EMSY: variants seen among roughly 807,000 people sequenced by gnomAD.
EMSY encodes BRCA2-interacting transcriptional repressor EMSY.
A neutral mutation model predicts 134.6 loss-of-function variants in EMSY; 26 were observed. The ratio of observed to expected loss-of-function variants is 0.19; its 90% CI spans 0.14 to 0.27. The LOEUF (loss-of-function observed/expected upper bound fraction) is 0.27. Ranked by LOEUF, EMSY falls within the 10% of genes least tolerant of loss-of-function variation. EMSY has a pLI of 1.00. For missense variants in EMSY, 1,305 were observed against 1,611.4 expected (o/e 0.81, Z 3.26); for synonymous variants, 579 against 577.8 (o/e 1.00, Z -0.03).
intron 9 of EMSY, among the ~76,000 whole-genome samples, chr11:76,504,838 A>G (rs930686650): frequency 6.6e-6 from 1 of 152,260 alleles, no homozygotes; most frequent in Non-Finnish European, 1.5e-5. Context: ...GGAATGAAGT[A>G]CTAACACATG....
intron 8 of EMSY, among the ~76,000 whole-genome samples, chr11:76,488,414 C>T (rs968768999): frequency 6.6e-6 from 1 of 152,154 alleles, no homozygotes; most frequent in East Asian, 1.9e-4. Flanking sequence ...CTGCATTGAG[C>T]TATGATTGTG....
Position 76,458,008 on chromosome 11 carries a change from C to T in EMSY, c.246-175C>T, listed in dbSNP as rs182503224. On this transcript the variant is annotated intron_variant, in intron 4 of 20. Coordinates refer to ENST00000334736, the Ensembl canonical transcript of EMSY. ...ACTGTGTAAGAACCTAAGTGTGTGACATTCCTTGAATTATAATTATTCATA... is the reference window on the plus strand; with the variant it reads ...ACTGTGTAAGAACCTAAGTGTGTGATATTCCTTGAATTATAATTATTCATA... Among the ~76,000 whole-genome samples, 207 of 152,298 alleles carry T rather than the reference C, an allele frequency of 1.4e-3. 1 individual carries two copies. The highest frequency in any genetic ancestry group is 2.0e-3 in the Non-Finnish European group (137 of 68,032).
intron 8 of EMSY, among the ~76,000 whole-genome samples, chr11:76,494,917 G>C (rs1949590291): frequency 1.3e-5 from 2 of 152,008 alleles, no homozygotes; most frequent in African/African-American, 4.8e-5. Flanking sequence ...TGTATTTTTA[G>C]TAGAGATGGG....
chr11:76,496,886 T>A (rs1949678756), intron 9 of EMSY: 1 of 299,974 alleles, frequency 3.3e-6, no homozygotes, highest in Non-Finnish European at 6.4e-6. Context: ...TATTTCTTTT[T>A]GGTGTTTTAT....
At chr11:76,538,476 G>A (rs1951309082) in intron 16 of EMSY, among the ~76,000 whole-genome samples, 1 of 152,128 alleles carries the variant, frequency 6.6e-6, no homozygotes, top group Non-Finnish European at 1.5e-5. Context: ...GCCCGGGCTT[G>A]TCTTGAATTC....
intron 4 of EMSY, among the ~76,000 whole-genome samples, chr11:76,454,170 A>G (rs1229120872): frequency 6.6e-6 from 1 of 152,188 alleles, no homozygotes; most frequent in East Asian, 1.9e-4. Flanking sequence ...ACTAAAGGGA[A>G]AAATTCAGTG....
At chr11:76,479,011 G>A (rs1273480554) in intron 8 of EMSY, among the ~76,000 whole-genome samples, 14 of 151,868 alleles carry the variant, frequency 9.2e-5, no homozygotes, top group South Asian at 8.3e-4. Flanking sequence ...ACTAAATACC[G>A]TATTTTGTCC....
chr11:76,525,755 T>G (rs930706530), intron 12 of EMSY, among the ~76,000 whole-genome samples: 1 of 152,112 alleles, frequency 6.6e-6, no homozygotes, highest in Non-Finnish European at 1.5e-5. Flanking sequence ...TAGTAAAACA[T>G]AGGAAGCACT....
At chr11:76,445,930 G>A (rs1027276299) in intron 1 of EMSY, among the ~76,000 whole-genome samples, 2 of 152,202 alleles carry the variant, frequency 1.3e-5, no homozygotes, top group Non-Finnish European at 2.9e-5. Flanking sequence ...AGGACTATGG[G>A]AAGTAGGGGG....
chr11:76,525,490 A>C (rs1330593269), intron 12 of EMSY, among the ~76,000 whole-genome samples: 1 of 152,226 alleles, frequency 6.6e-6, no homozygotes, highest in Non-Finnish European at 1.5e-5. Context: ...AGAAAAACTG[A>C]TGAGGTGAAA....
intron 6 of EMSY, 127 bp from the exon 8 acceptor site, chr11:76,463,694 G>T: frequency 3.2e-6 from 3 of 934,192 alleles, no homozygotes; most frequent in Non-Finnish European, 4.7e-6. Flanking sequence ...AGGGAAGATT[G>T]ATAGAACTTA....
intron 9 of EMSY, among the ~76,000 whole-genome samples, chr11:76,498,352 G>A (rs1456510321): frequency 6.6e-6 from 1 of 152,126 alleles, no homozygotes; most frequent in Non-Finnish European, 1.5e-5. Context: ...GGTTGATTAT[G>A]TTGTTCAGTT....
At chr11:76,516,005 T>A in intron 10 of EMSY, 137 bp from the exon 12 acceptor site, 1 of 701,756 alleles carries the variant, frequency 1.4e-6, no homozygotes, top group Non-Finnish European at 2.3e-6. Context: ...AAATTATAAA[T>A]TAATGTCTTG....
chr11:76,477,139 T>C (rs1399493525), intron 8 of EMSY, among the ~76,000 whole-genome samples: 1 of 152,000 alleles, frequency 6.6e-6, no homozygotes, highest in Non-Finnish European at 1.5e-5. Flanking sequence ...ATATGATTAT[T>C]GAACATAAAT....
intron 11 of EMSY, among the ~76,000 whole-genome samples, chr11:76,519,844 C>T (rs368442887): frequency 9.9e-5 from 15 of 152,210 alleles, no homozygotes; most frequent in African/African-American, 3.4e-4. Context: ...CAGTTATTTG[C>T]ACCCATTATA....
chr11:76,535,981 A>T (rs1413048953), exon 15 of EMSY: 1 of 1,606,544 alleles, frequency 6.2e-7, no homozygotes, highest in East Asian at 2.2e-5. Flanking sequence ...CCCTACCATA[A>T]TTTATCAGGA....
At chr11:76,528,216 T>C in intron 13 of EMSY, 52 bp from the exon 15 acceptor site, 1 of 1,507,280 alleles carries the variant, frequency 6.6e-7, no homozygotes, top group Admixed American at 1.8e-5. Flanking sequence ...GTTTAGCATT[T>C]TTAAATCGTT....
At chr11:76,497,086 G>A (rs1204576006) in intron 9 of EMSY, 2 of 153,020 alleles carry the variant, frequency 1.3e-5, no homozygotes, top group African/African-American at 4.8e-5. Flanking sequence ...AGTTTTTGGG[G>A]AGTTTTTATC....
Position 76,474,074 on chromosome 11 carries a change from G to T in EMSY, c.1108+1234G>T, listed in dbSNP as rs147422910. On this transcript the variant is annotated intron_variant, in intron 8 of 20. Coordinates refer to ENST00000334736, the Ensembl canonical transcript of EMSY. ...GAACCCGGGAGGTGGAGATTGTAGT[G>T]AGCTGAGATCCAGTCCTGGTGACAG... Among the ~76,000 whole-genome samples the T allele has an allele frequency of 9.1e-4, 135 of 147,572 alleles. 1 individual carries two copies. The highest frequency in any genetic ancestry group is 8.5e-3 in the Admixed American group (125 of 14,666).
Sources: gnomAD v4.1 joint callset for allele counts (sites outside exome capture counted in the v4.1 genomes callset) on GRCh38, gnomAD v4.1.1 for gene constraint, MANE v1.5 for transcripts, NCBI Gene and HGNC (gene_info 2026-07-23, HGNC 2026-07-21) for gene names.